Variants in GRIK1 observed in about 807,000 individuals in gnomAD.
GRIK1 encodes the protein glutamate ionotropic receptor kainate type subunit 1, also known as glutamate receptor ionotropic, kainate 1.
GRIK1 carries 69 observed loss-of-function variants against 105.7 expected under a neutral mutation model. The ratio of observed to expected loss-of-function variants is 0.65; its 90% CI spans 0.54 to 0.80. The LOEUF (loss-of-function observed/expected upper bound fraction) is 0.80. Ranked by LOEUF, GRIK1 falls within the 30% of genes least tolerant of loss-of-function variation. The probability of loss-of-function intolerance (pLI) is 0.00; values close to 1 mark genes in which losing one functional copy is unlikely to be tolerated. For missense variants in GRIK1, 1,109 were observed against 1,167.3 expected (o/e 0.95, Z 0.73); for synonymous variants, 438 against 431.3 (o/e 1.02, Z -0.19).
chr21:29,713,680 T>C (rs1440108382), intron 1 of GRIK1, among the ~76,000 whole-genome samples: 1 of 152,194 alleles, frequency 6.6e-6, no homozygotes, highest in Non-Finnish European at 1.5e-5. Flanking sequence ...TCTTTAAGCT[T>C]GGCTATGAAG....
chr21:29,906,105 G>T (rs900698867), intron 1 of GRIK1, among the ~76,000 whole-genome samples: 11 of 152,048 alleles, frequency 7.2e-5, no homozygotes, highest in African/African-American at 2.4e-4. Context: ...ACAGCAATTC[G>T]TTTTTTCAAT....
chr21:29,788,468 T>C (rs1156930952), intron 1 of GRIK1, among the ~76,000 whole-genome samples: 4 of 151,726 alleles, frequency 2.6e-5, no homozygotes, highest in Non-Finnish European at 5.9e-5. Flanking sequence ...ACTCAGAGAG[T>C]GGGTGGAAGT....
At chr21:29,826,303 G>T (rs1467313512) in intron 1 of GRIK1, among the ~76,000 whole-genome samples, 2 of 152,020 alleles carry the variant, frequency 1.3e-5, no homozygotes, top group African/African-American at 2.4e-5. Context: ...TGGGTATGAG[G>T]GTTACTTTTA....
At chr21:29,697,627 A>G (rs2146750971) in intron 1 of GRIK1, among the ~76,000 whole-genome samples, 1 of 152,326 alleles carries the variant, frequency 6.6e-6, no homozygotes, top group East Asian at 1.9e-4. Flanking sequence ...ATGTACCAAA[A>G]AAGTGAGATC....
intron 7 of GRIK1, among the ~76,000 whole-genome samples, chr21:29,610,938 T>C (rs984874397): frequency 1.3e-5 from 2 of 152,164 alleles, no homozygotes; most frequent in Non-Finnish European, 1.5e-5. Flanking sequence ...GAGGCTTCCA[T>C]GGTCAATGAA....
At chr21:29,596,499 T>C (rs759010911) in intron 9 of GRIK1, 27 bp downstream of exon 9, 4 of 1,528,870 alleles carry the variant, frequency 2.6e-6, no homozygotes, top group Non-Finnish European at 3.6e-6. Flanking sequence ...CCCCCAGGTT[T>C]CCTGCAGTTG....
At chr21:29,723,825 T>C (rs748649871) in intron 1 of GRIK1, among the ~76,000 whole-genome samples, 3 of 152,160 alleles carry the variant, frequency 2.0e-5, no homozygotes, top group Non-Finnish European at 2.9e-5. Flanking sequence ...ACTCTATCTA[T>C]ACTTTCTAAA....
chr21:29,734,435 G>A, intron 1 of GRIK1, among the ~76,000 whole-genome samples: 1 of 139,060 alleles, frequency 7.2e-6, no homozygotes, highest in Non-Finnish European at 1.5e-5. Flanking sequence ...TTGAGACAGA[G>A]TCTTACTCTC....
At chr21:29,569,206 A>T (rs1420130566) in intron 14 of GRIK1, among the ~76,000 whole-genome samples, 1 of 152,214 alleles carries the variant, frequency 6.6e-6, no homozygotes, top group Non-Finnish European at 1.5e-5. Context: ...ATCTAGAGAG[A>T]CTGAAAAAAT....
chr21:29,894,268 G>A (rs1312398628), intron 1 of GRIK1, among the ~76,000 whole-genome samples: 1 of 152,116 alleles, frequency 6.6e-6, no homozygotes, highest in African/African-American at 2.4e-5. Context: ...GCCAGTGGTG[G>A]ATCAGCCCAA....
chr21:29,575,862 C>G (rs553749159), intron 14 of GRIK1, among the ~76,000 whole-genome samples: 2 of 151,888 alleles, frequency 1.3e-5, no homozygotes, highest in African/African-American at 4.8e-5. Context: ...AAAACAGCTG[C>G]CCCCCAAAAG....
In GRIK1 at chr21:29,603,524, C is replaced by G. The variant is rs116754370; in HGVS notation, c.1099-4587G>C. On this transcript the variant is annotated intron_variant, in intron 7 of 17. Coordinates refer to ENST00000327783, the MANE Select transcript of GRIK1 (RefSeq NM_001330994.2). ...TCATGTCTCTGCAATGGGACAAAAA[C>G]TATCAGCAATGAATACAAGTAGGAG... Among the ~76,000 whole-genome samples, 398 of 152,246 alleles carry G rather than the reference C, an allele frequency of 2.6e-3. 3 individuals are homozygous for G. The highest frequency in any genetic ancestry group is 9.2e-3 in the African/African-American group (383 of 41,532).
intron 1 of GRIK1, 74 bp downstream of exon 1, chr21:29,939,309 C>T: frequency 2.2e-6 from 2 of 899,752 alleles, no homozygotes; most frequent in Non-Finnish European, 3.5e-6. Context: ...GCTGCCTCGC[C>T]CGGGACCCGC....
intron 1 of GRIK1, among the ~76,000 whole-genome samples, chr21:29,900,079 G>A (rs1444027680): frequency 1.8e-5 from 1 of 54,978 alleles, no homozygotes; most frequent in African/African-American, 7.2e-5. Flanking sequence ...ATGAGACTCT[G>A]TCTCAAAAAA....
chr21:29,725,951 A>C (rs2064446941), intron 1 of GRIK1, among the ~76,000 whole-genome samples: 2 of 152,170 alleles, frequency 1.3e-5, no homozygotes, highest in Non-Finnish European at 2.9e-5. Context: ...TTACAACTAG[A>C]GCATTAATAC....
intron 1 of GRIK1, among the ~76,000 whole-genome samples, chr21:29,852,844 T>C (rs1423979562): frequency 6.6e-6 from 1 of 152,208 alleles, no homozygotes; most frequent in Non-Finnish European, 1.5e-5. Context: ...TAGGGATATA[T>C]TTTTATTTTA....
At chr21:29,689,530 C>A (rs551066600) in intron 3 of GRIK1, among the ~76,000 whole-genome samples, 198 bp downstream of exon 3, 1 of 151,888 alleles carries the variant, frequency 6.6e-6, no homozygotes, top group Admixed American at 6.6e-5. Context: ...ATAAAAGGAT[C>A]GTTAGAAAGG....
At chr21:29,868,441 G>A (rs540500112) in intron 1 of GRIK1, among the ~76,000 whole-genome samples, 3 of 152,202 alleles carry the variant, frequency 2.0e-5, no homozygotes, top group South Asian at 4.2e-4. Flanking sequence ...GTTACAAAGC[G>A]GTATAATGTG....
At chr21:29,541,077 C>G (rs1481166726) in intron 16 of GRIK1, among the ~76,000 whole-genome samples, 4 of 151,604 alleles carry the variant, frequency 2.6e-5, no homozygotes, top group African/African-American at 9.7e-5. Context: ...AAGCGATTCT[C>G]CTGCCTCAGC....
Sources: gnomAD v4.1 joint callset for allele counts (sites outside exome capture counted in the v4.1 genomes callset) on GRCh38, gnomAD v4.1.1 for gene constraint, MANE v1.5 for transcripts, NCBI Gene and HGNC (gene_info 2026-07-23, HGNC 2026-07-21) for gene names.